FHIT: variants seen among roughly 807,000 people sequenced by gnomAD.
FHIT encodes the protein bis(5'-adenosyl)-triphosphatase.
FHIT carries 19 observed loss-of-function variants against 17.9 expected under a neutral mutation model. That is an observed-to-expected ratio of 1.06 (90% CI 0.74 to 1.56). FHIT has a LOEUF of 1.56. Ranked by LOEUF, FHIT falls within the 40% of genes most tolerant of loss-of-function variation. The pLI, the probability that FHIT is intolerant of heterozygous loss-of-function variation, is 0.00. For missense variants in FHIT, 248 were observed against 189.2 expected, an observed-to-expected ratio of 1.31 and a Z score of -1.82; for synonymous variants, 81 against 69.7, an observed-to-expected ratio of 1.16 and a Z score of -0.81.
At chr3:60,360,710 T>C (rs1458837653) in intron 5 of FHIT, among the ~76,000 whole-genome samples, 2 of 152,184 alleles carry the variant, frequency 1.3e-5, no homozygotes, top group East Asian at 3.9e-4. Flanking sequence ...TCAAAATCAA[T>C]ATGGCCAAAG....
intron 5 of FHIT, among the ~76,000 whole-genome samples, chr3:60,358,652 G>C (rs1031509264): frequency 1.3e-5 from 2 of 152,148 alleles, no homozygotes; most frequent in Non-Finnish European, 2.9e-5. Flanking sequence ...TAAAGAAGGG[G>C]CTGATAACAC....
chr3:59,939,556 C>A (rs1706408303), intron 7 of FHIT, among the ~76,000 whole-genome samples: 1 of 152,144 alleles, frequency 6.6e-6, no homozygotes, highest in African/African-American at 2.4e-5. Flanking sequence ...GCCTTTTAAC[C>A]TTTGGAATTA....
intron 5 of FHIT, among the ~76,000 whole-genome samples, chr3:60,105,808 T>C (rs1704383453): frequency 6.6e-6 from 1 of 152,100 alleles, no homozygotes; most frequent in African/African-American, 2.4e-5. Context: ...CTAAAAACTT[T>C]CAAAATTACA....
intron 3 of FHIT, among the ~76,000 whole-genome samples, chr3:60,896,848 C>T (rs1018335866): frequency 6.6e-6 from 1 of 152,196 alleles, no homozygotes; most frequent in South Asian, 2.1e-4. Context: ...TGGTTTCAAA[C>T]TCAAAACTAT....
chr3:60,117,349 T>C (rs1705012007), intron 5 of FHIT, among the ~76,000 whole-genome samples: 1 of 152,162 alleles, frequency 6.6e-6, no homozygotes, highest in Non-Finnish European at 1.5e-5. Context: ...AAATTGCCTT[T>C]TCCCATTTGA....
intron 2 of FHIT, among the ~76,000 whole-genome samples, chr3:61,103,257 T>C (rs979813482): frequency 6.6e-6 from 1 of 152,220 alleles, no homozygotes; most frequent in Admixed American, 6.5e-5. Context: ...CATTGTGTCT[T>C]TGTTCTCATT....
At chr3:60,024,058 A>G (rs1700650246) in intron 5 of FHIT, among the ~76,000 whole-genome samples, 1 of 152,178 alleles carries the variant, frequency 6.6e-6, no homozygotes, top group Admixed American at 6.5e-5. Flanking sequence ...ATAGAAAAAT[A>G]AATACAAACT....
chr3:60,984,510 G>A (rs113852539), intron 3 of FHIT, among the ~76,000 whole-genome samples: 12 of 152,242 alleles, frequency 7.9e-5, no homozygotes, highest in Non-Finnish European at 1.0e-4. Context: ...AAGAATGTTC[G>A]CAGCTCTGGC....
chr3:61,171,067 C>A (rs1392366730), intron 2 of FHIT, among the ~76,000 whole-genome samples: 1 of 152,176 alleles, frequency 6.6e-6, no homozygotes, highest in Non-Finnish European at 1.5e-5. Flanking sequence ...ACACTCCCAC[C>A]AAAGGTGTAT....
chr3:60,981,562 C>T (rs1478676117), intron 3 of FHIT, among the ~76,000 whole-genome samples: 2 of 151,860 alleles, frequency 1.3e-5, no homozygotes, highest in East Asian at 3.9e-4. Context: ...CCACCCGCCT[C>T]GGCCTCCCAA....
chr3:60,903,110 G>C (rs1706209344), intron 3 of FHIT, among the ~76,000 whole-genome samples: 1 of 151,902 alleles, frequency 6.6e-6, no homozygotes, highest in Admixed American at 6.6e-5. Flanking sequence ...AAACTAAGTT[G>C]GTTCAAATAC....
At chr3:60,952,553 T>G (rs139781731) in intron 3 of FHIT, among the ~76,000 whole-genome samples, 1 of 152,214 alleles carries the variant, frequency 6.6e-6, no homozygotes, top group East Asian at 1.9e-4. Context: ...AGTGGGAGAA[T>G]ATGCCAGCCC....
intron 2 of FHIT, among the ~76,000 whole-genome samples, chr3:61,128,571 C>A (rs2036676374): frequency 6.6e-6 from 1 of 151,998 alleles, no homozygotes; most frequent in African/African-American, 2.4e-5. Flanking sequence ...TATATGTGGG[C>A]CCGTCCTAGT....
In FHIT at chr3:60,492,785, T is replaced by A. The variant is rs1271212566; in HGVS notation, c.103+44075A>T. ...CTCCCAATGACAGCAATTTTTTAGTTTGACTGTCTATAGCCTTATAGGACA... is the reference window on the plus strand; with the variant it reads ...CTCCCAATGACAGCAATTTTTTAGTATGACTGTCTATAGCCTTATAGGACA... On this transcript the variant is annotated intron_variant, in intron 5 of 9. Coordinates refer to ENST00000492590, the MANE Select transcript of FHIT (RefSeq NM_002012.4). Among the ~76,000 whole-genome samples the A allele has an allele frequency of 2.6e-5, 4 of 152,144 alleles. No individual in the cohort carries two copies. In the South Asian group the frequency reaches 8.3e-4, roughly 32 times the overall value.
intron 8 of FHIT, among the ~76,000 whole-genome samples, chr3:59,822,935 C>T (rs531058078): frequency 9.9e-4 from 150 of 152,202 alleles, no homozygotes; most frequent in African/African-American, 3.4e-3. Context: ...TCTTTCAGGT[C>T]GTAGATTTAA....
At chr3:60,086,959 T>C (rs1703520100) in intron 5 of FHIT, among the ~76,000 whole-genome samples, 1 of 152,228 alleles carries the variant, frequency 6.6e-6, no homozygotes, top group East Asian at 1.9e-4. Context: ...GCTGCACCTC[T>C]GTGGAAGGTC....
At chr3:61,045,164 T>G (rs1425273131) in intron 2 of FHIT, among the ~76,000 whole-genome samples, 1 of 152,120 alleles carries the variant, frequency 6.6e-6, no homozygotes, top group African/African-American at 2.4e-5. Context: ...GGCTAAATGC[T>G]CCAATTAAAA....
chr3:60,319,329 T>C (rs371075506), intron 5 of FHIT, among the ~76,000 whole-genome samples: 2 of 152,130 alleles, frequency 1.3e-5, no homozygotes, highest in African/African-American at 2.4e-5. Flanking sequence ...CCGACTAGTA[T>C]GGCAGAACAA....
intron 1 of FHIT, among the ~76,000 whole-genome samples, chr3:61,207,237 G>A (rs141954845): frequency 0.43 from 65,713 of 151,786 alleles, 14,623 homozygotes; most frequent in East Asian, 0.58. Flanking sequence ...TTTATTGAGG[G>A]TTTCTGCATT....
Sources: gnomAD v4.1 joint callset for allele counts (sites outside exome capture counted in the v4.1 genomes callset) on GRCh38, gnomAD v4.1.1 for gene constraint, MANE v1.5 for transcripts, NCBI Gene and HGNC (gene_info 2026-07-23, HGNC 2026-07-21) for gene names.